Variants in GNAQ observed in about 807,000 individuals in gnomAD.
GNAQ encodes the protein G protein subunit alpha q.
GNAQ carries 8 observed loss-of-function variants against 43.9 expected under a neutral mutation model. The observed-to-expected ratio is 0.18, with a 90% CI of 0.11 to 0.33. The LOEUF is 0.33. Ranked by LOEUF, GNAQ falls within the 10% of genes least tolerant of loss-of-function variation. The probability of loss-of-function intolerance (pLI) is 1.00; values close to 1 mark genes in which losing one functional copy is unlikely to be tolerated. For missense variants in GNAQ, 158 were observed against 450.8 expected (o/e 0.35, Z 5.88); for synonymous variants, 155 against 170.7 (o/e 0.91, Z 0.71).
intron 1 of GNAQ, among the ~76,000 whole-genome samples, chr9:77,983,211 G>C (rs144579530): frequency 6.6e-6 from 1 of 152,194 alleles, no homozygotes; most frequent in African/African-American, 2.4e-5. Flanking sequence ...GTATGAACTC[G>C]TGCATGGTGA....
chr9:77,785,654 CATT>C (rs1377625412), intron 5 of GNAQ, among the ~76,000 whole-genome samples: 4 of 152,244 alleles, frequency 2.6e-5, no homozygotes, highest in Admixed American at 6.5e-5. Flanking sequence ...CCAATAAAAA[CATT>C]ATTAAAAACA....
At chr9:77,771,655 T>C (rs1426261032) in intron 5 of GNAQ, among the ~76,000 whole-genome samples, 1 of 151,990 alleles carries the variant, frequency 6.6e-6, no homozygotes, top group African/African-American at 2.4e-5. Flanking sequence ...CAGTGCAAAA[T>C]AAAAATGTGG....
At chr9:77,927,182 T>A (rs1266645115) in intron 1 of GNAQ, among the ~76,000 whole-genome samples, 1 of 152,236 alleles carries the variant, frequency 6.6e-6, no homozygotes, top group Non-Finnish European at 1.5e-5. Flanking sequence ...ATTTACTCTA[T>A]GTGTCTGATT....
intron 1 of GNAQ, among the ~76,000 whole-genome samples, chr9:77,957,025 C>T (rs1823049089): frequency 6.6e-6 from 1 of 152,058 alleles, no homozygotes. Context: ...AAGAGTACAG[C>T]CCGGAACAGA....
At chr9:77,924,102 A>G (rs1829035402) in intron 1 of GNAQ, among the ~76,000 whole-genome samples, 2 of 152,204 alleles carry the variant, frequency 1.3e-5, no homozygotes, top group Admixed American at 6.5e-5. Context: ...TACTTTTAGT[A>G]AAGTGATCTG....
chr9:77,953,336 ATC>A (rs1388016413), intron 1 of GNAQ, among the ~76,000 whole-genome samples: 4 of 152,224 alleles, frequency 2.6e-5, no homozygotes, highest in African/African-American at 9.6e-5. Flanking sequence ...CAACAAAATC[ATC>A]TCTGGGTGTT....
chr9:77,858,003 A>G (rs1014969562), intron 2 of GNAQ, among the ~76,000 whole-genome samples: 8 of 152,036 alleles, frequency 5.3e-5, no homozygotes, highest in African/African-American at 1.7e-4. Context: ...CCAGTCCCTG[A>G]TTTACAAAGC....
chr9:77,847,936 C>T (rs1827613490), intron 2 of GNAQ, among the ~76,000 whole-genome samples: 1 of 152,190 alleles, frequency 6.6e-6, no homozygotes, highest in South Asian at 2.1e-4. Flanking sequence ...TAGCAGCAGA[C>T]CTGCACTTAA....
intron 1 of GNAQ, 111 bp downstream of exon 1, chr9:78,030,989 G>T: frequency 2.6e-6 from 2 of 772,686 alleles, no homozygotes; most frequent in Non-Finnish European, 3.5e-6. Flanking sequence ...GGGAGGGTAG[G>T]GGCGAACCGC....
At chr9:77,866,291 A>G (rs1394893459) in intron 2 of GNAQ, among the ~76,000 whole-genome samples, 1 of 152,200 alleles carries the variant, frequency 6.6e-6, no homozygotes, top group Non-Finnish European at 1.5e-5. Flanking sequence ...CAGCCTGGCC[A>G]ACATGGTGAA....
intron 2 of GNAQ, among the ~76,000 whole-genome samples, chr9:77,890,666 TGAGCCGA>T (rs1828390863): frequency 1.3e-5 from 2 of 151,408 alleles, no homozygotes; most frequent in Admixed American, 1.3e-4. Flanking sequence ...GAGGTTGCGG[TGAGCCGA>T]GATCACACCA....
At position 77,803,679 on chromosome 9, in the gene GNAQ, G is replaced by A. The variant is rs1430446332; in HGVS notation, c.477-6031C>T. ...CTGCAAGGAGTTTATCAATTTGTGG[G>A]GAAATAAGGGTTACATAAAAACAAG... is the stretch of plus-strand genomic sequence containing the variant. On this transcript the variant is annotated intron_variant, in intron 3 of 6. Coordinates refer to ENST00000286548, the MANE Select transcript of GNAQ (RefSeq NM_002072.5). Among the ~76,000 whole-genome samples, 3 of 152,136 alleles carry A rather than the reference G, an allele frequency of 2.0e-5. No individual in the cohort carries two copies. The East Asian group carries it at 5.8e-4, about 29-fold the overall frequency.
intron 1 of GNAQ, among the ~76,000 whole-genome samples, chr9:78,007,879 G>T (rs1204998999): frequency 2.0e-5 from 3 of 152,156 alleles, no homozygotes; most frequent in Non-Finnish European, 2.9e-5. Flanking sequence ...ACCTTAACTA[G>T]ATTTAAGATG....
At chr9:77,941,254 T>C (rs1829311345) in intron 1 of GNAQ, among the ~76,000 whole-genome samples, 1 of 151,416 alleles carries the variant, frequency 6.6e-6, no homozygotes. Context: ...AGCTACCATA[T>C]CTTTTTTTTT....
chr9:78,031,416 G>A lies in GNAQ; in HGVS notation c.-181C>T, dbSNP rs1824058798. The A allele has an allele frequency of 8.6e-6, 2 of 231,750 alleles. No homozygotes were observed. The highest frequency in any genetic ancestry group is 5.8e-5 in the Admixed American group (1 of 17,232). 14.4% of individuals were successfully genotyped at this position (231,750 alleles called of 1,614,324 possible). A position where few individuals can be genotyped will look rare whatever the true frequency, so the allele number is the denominator to read the frequency against. On this transcript the variant is annotated 5_prime_UTR_variant, in exon 1 of 7. Coordinates refer to ENST00000286548, the MANE Select transcript of GNAQ (RefSeq NM_002072.5). ...GCGGCGGCCAGGGCCGGGGCCACCA[G>A]GTGGGCCGGGGGCGCGGTGGGAGCG...
At chr9:77,992,731 G>A (rs1244964696) in intron 1 of GNAQ, among the ~76,000 whole-genome samples, 2 of 152,078 alleles carry the variant, frequency 1.3e-5, no homozygotes, top group African/African-American at 4.8e-5. Flanking sequence ...GATCACCTGA[G>A]GTCAAGAGTT....
intron 1 of GNAQ, among the ~76,000 whole-genome samples, chr9:78,004,630 T>C (rs987643611): frequency 5.3e-5 from 8 of 152,116 alleles, no homozygotes; most frequent in African/African-American, 1.9e-4. Flanking sequence ...GCTATCTCAC[T>C]TCTCCACTTG....
At chr9:77,944,557 T>G (rs541909037) in intron 1 of GNAQ, among the ~76,000 whole-genome samples, 3 of 152,120 alleles carry the variant, frequency 2.0e-5, no homozygotes, top group Non-Finnish European at 4.4e-5. Context: ...AGAAAATATG[T>G]TTGGGAGTAG....
chr9:77,886,444 C>G (rs1828307660), intron 2 of GNAQ, among the ~76,000 whole-genome samples: 2 of 150,910 alleles, frequency 1.3e-5, no homozygotes, highest in Non-Finnish European at 1.5e-5. Flanking sequence ...CCATTTCTCC[C>G]CAGAAAGTGG....
Sources: gnomAD v4.1 joint callset for allele counts (sites outside exome capture counted in the v4.1 genomes callset) on GRCh38, gnomAD v4.1.1 for gene constraint, MANE v1.5 for transcripts, NCBI Gene and HGNC (gene_info 2026-07-23, HGNC 2026-07-21) for gene names.